NCKAP5: variants seen among roughly 807,000 people sequenced by gnomAD.
The protein encoded by NCKAP5 is NCK associated protein 5, also known as nck-associated protein 5.
A neutral mutation model predicts 167.0 loss-of-function variants in NCKAP5; 92 were observed. The observed-to-expected ratio is 0.55, with a 90% confidence interval of 0.47 to 0.66. The LOEUF (loss-of-function observed/expected upper bound fraction) is 0.66. NCKAP5 is among the 30% of genes least tolerant of loss of function. NCKAP5 has a pLI of 0.00. For synonymous variants in NCKAP5, 891 were observed against 877.4 expected, an observed-to-expected ratio of 1.02 and a Z score of -0.27; for missense variants, 2,378 against 2,315.0, an observed-to-expected ratio of 1.03 and a Z score of -0.56.
chr2:133,437,721 A>G (rs539968319), intron 3 of NCKAP5, among the ~76,000 whole-genome samples: 1 of 152,158 alleles, frequency 6.6e-6, no homozygotes, highest in East Asian at 1.9e-4. Flanking sequence ...CTTGCATGTG[A>G]ATTTTGCTCC....
intron 3 of NCKAP5, among the ~76,000 whole-genome samples, chr2:133,355,131 T>A (rs1684622158): frequency 6.6e-6 from 1 of 152,246 alleles, no homozygotes. Context: ...AATCTTTTTG[T>A]AGCTTAAGTT....
intron 2 of NCKAP5, among the ~76,000 whole-genome samples, chr2:133,526,395 T>C (rs891992101): frequency 1.3e-5 from 2 of 152,058 alleles, no homozygotes; most frequent in Admixed American, 1.3e-4. Flanking sequence ...GGGAGATTTA[T>C]ATATTGATTA....
chr2:132,954,692 G>C, intron 8 of NCKAP5: 1 of 452,260 alleles, frequency 2.2e-6, no homozygotes, highest in Non-Finnish European at 4.4e-6. Flanking sequence ...ATCCTAATTT[G>C]ATTAGGTACA....
At chr2:133,616,877 G>C in the NCKAP5 span, among the ~76,000 whole-genome samples, 1 of 152,322 alleles carries the variant, frequency 6.6e-6, no homozygotes, top group Admixed American at 6.5e-5. Flanking sequence ...CAATATCCTT[G>C]ATGAACCTTG....
At chr2:132,679,083 C>T (rs553278667) in intron 19 of NCKAP5, among the ~76,000 whole-genome samples, 19 of 152,164 alleles carry the variant, frequency 1.2e-4, no homozygotes, top group Admixed American at 5.9e-4. Flanking sequence ...AAAAGGCTGA[C>T]GGGAGGCCAA....
chr2:133,183,440 G>GA (rs1212351351), intron 5 of NCKAP5, among the ~76,000 whole-genome samples: 5 of 151,916 alleles, frequency 3.3e-5, no homozygotes, highest in Non-Finnish European at 7.4e-5. Context: ...CATGAGAATG[G>GA]AAAAAAATAT....
intron 13 of NCKAP5, among the ~76,000 whole-genome samples, chr2:132,787,545 G>A (rs1325074608): frequency 6.6e-5 from 10 of 152,028 alleles, no homozygotes; most frequent in Non-Finnish European, 1.5e-4. Context: ...GTAAACATTT[G>A]CTCACATCTA....
intron 1 of NCKAP5, among the ~76,000 whole-genome samples, chr2:133,562,072 A>G (rs1293556412): frequency 6.6e-6 from 1 of 152,136 alleles, no homozygotes; most frequent in Non-Finnish European, 1.5e-5. Context: ...ATAATCTACC[A>G]TAATAATAAA....
the NCKAP5 span, among the ~76,000 whole-genome samples, chr2:133,633,476 T>A: frequency 6.6e-6 from 1 of 152,148 alleles, no homozygotes; most frequent in African/African-American, 2.4e-5. Context: ...GAGTCAAGAA[T>A]GCCAGCAGGA....
Position 133,303,693 on chromosome 2 carries a change from G to T in NCKAP5, c.70-583C>A, listed in dbSNP as rs187634193. On this transcript the variant is annotated intron_variant, in intron 3 of 19. Transcript: ENST00000409261. ...TTTGGCTTCTAAAAAGACCTGAAAGGTATGGTGTATTCTGCTCTATAGAAA... is the reference window on the plus strand; with the variant it reads ...TTTGGCTTCTAAAAAGACCTGAAAGTTATGGTGTATTCTGCTCTATAGAAA... Among the ~76,000 whole-genome samples, 623 of 149,906 alleles carry T rather than the reference G, an allele frequency of 4.2e-3. 6 individuals carry two copies. Among genetic ancestry groups the T allele is most frequent in the African/African-American group, 0.015 (589 of 39,544 alleles).
chr2:133,429,534 G>A (rs1429607012), intron 3 of NCKAP5, among the ~76,000 whole-genome samples: 2 of 151,956 alleles, frequency 1.3e-5, no homozygotes, highest in African/African-American at 4.8e-5. Flanking sequence ...GTGCCCCCCA[G>A]ATTTAGCTTC....
intron 7 of NCKAP5, among the ~76,000 whole-genome samples, chr2:132,986,299 G>A (rs990878343): frequency 2.0e-5 from 3 of 152,140 alleles, no homozygotes; most frequent in Non-Finnish European, 2.9e-5. Flanking sequence ...GAGGGAAAAG[G>A]TTATGGTGAA....
At chr2:133,606,433 G>A in the NCKAP5 span, among the ~76,000 whole-genome samples, 2 of 152,140 alleles carry the variant, frequency 1.3e-5, no homozygotes, top group African/African-American at 4.8e-5. Context: ...GGTTCTAGGA[G>A]GAAGCTCGTG....
At chr2:132,865,332 C>A (rs1158109501) in intron 10 of NCKAP5, among the ~76,000 whole-genome samples, 1 of 152,136 alleles carries the variant, frequency 6.6e-6, no homozygotes, top group African/African-American at 2.4e-5. Context: ...ATAATGAGGG[C>A]AATGGCTAAA....
intron 3 of NCKAP5, among the ~76,000 whole-genome samples, chr2:133,404,174 C>T (rs1210970598): frequency 6.6e-6 from 1 of 152,226 alleles, no homozygotes; most frequent in Non-Finnish European, 1.5e-5. Flanking sequence ...CCTGAAACTA[C>T]ATTTTGATCA....
chr2:133,130,558 G>A (rs993485312), intron 5 of NCKAP5, among the ~76,000 whole-genome samples: 1 of 152,188 alleles, frequency 6.6e-6, no homozygotes, highest in Non-Finnish European at 1.5e-5. Context: ...AAAATTTCAA[G>A]TTAATTAGAA....
In NCKAP5 at chr2:132,784,431, T is replaced by C. The variant is rs147993981; in HGVS notation, c.2380A>G (p.Ile794Val). 455 of 1,611,228 alleles carry C rather than the reference T, an allele frequency of 2.8e-4. 3 individuals are homozygous for C. The African/African-American group carries it at 5.3e-3, about 19-fold the overall frequency. The change falls in exon 14 of 20, where the codon ATC becomes GTC. Residue 794 changes from isoleucine to valine, a missense_variant. Coordinates refer to ENST00000409261, the MANE Select transcript of NCKAP5 (RefSeq NM_207363.3). ...TTTGTCAGATTTTGCTTTTGATAGATGCCCATGGGTGCCGAAGACCTGGAA... is the reference window on the plus strand; with the variant it reads ...TTTGTCAGATTTTGCTTTTGATAGACGCCCATGGGTGCCGAAGACCTGGAA... Reference protein sequence around the residue: ...SNSRSSAPMGIYQKQNLTKIP... With the variant: ...SNSRSSAPMGVYQKQNLTKIP...
intron 16 of NCKAP5, among the ~76,000 whole-genome samples, chr2:132,769,240 G>A (rs531433460): frequency 1.7e-4 from 26 of 152,144 alleles, no homozygotes; most frequent in African/African-American, 5.5e-4. Context: ...CAGCCACTAC[G>A]CCGGGCCAAG....
At chr2:133,083,580 T>C (rs2080883685) in intron 6 of NCKAP5, among the ~76,000 whole-genome samples, 1 of 152,162 alleles carries the variant, frequency 6.6e-6, no homozygotes, top group Admixed American at 6.5e-5. Context: ...AAGCAATGGA[T>C]TGGCATGGAT....
Sources: allele counts gnomAD v4.1 joint callset (sites outside exome capture counted in the v4.1 genomes callset), GRCh38; gene constraint gnomAD v4.1.1; transcripts MANE v1.5; gene names NCBI Gene and HGNC (gene_info 2026-07-23, HGNC 2026-07-21).